Variants in LOXL1 observed in about 807,000 individuals in gnomAD.
LOXL1 encodes lysyl oxidase homolog 1.
A neutral mutation model predicts 62.2 loss-of-function variants in LOXL1; 31 were observed. The ratio of observed to expected loss-of-function variants is 0.50; its 90% confidence interval spans 0.37 to 0.67. The LOEUF is 0.67. Ranked by LOEUF, LOXL1 falls within the 30% of genes least tolerant of loss-of-function variation. The pLI is 0.00. For synonymous variants in LOXL1, 403 were observed against 384.4 expected (o/e 1.05, Z -0.56); for missense variants, 775 against 843.4 (o/e 0.92, Z 1.00).
intron 6 of LOXL1, among the ~76,000 whole-genome samples, chr15:73,951,221 A>C (rs925519356): frequency 3.2e-4 from 49 of 152,238 alleles, no homozygotes; most frequent in African/African-American, 1.0e-3. Flanking sequence ...CGCCTGGAGC[A>C]GCCAGGAGGG....
chr15:73,946,694 C>T (rs1004298707), intron 3 of LOXL1, 140 bp downstream of exon 3: 2 of 991,886 alleles, frequency 2.0e-6, no homozygotes, highest in African/African-American at 3.3e-5. Context: ...TGTTACCTGC[C>T]AACTCTTTTC....
At position 73,927,832 on chromosome 15, in the gene LOXL1, A is replaced by G; in HGVS notation, c.1049A>G (p.Gln350Arg). The change falls in exon 1 of 7, where the codon CAG becomes CGG. Residue 350 changes from glutamine (Q) to arginine (R), a missense_variant. Transcript: ENST00000261921. ...PPPGGERNGAQQGRLSVGSVY... is the reference protein window; with the variant it reads ...PPPGGERNGARQGRLSVGSVY... ...CCGGGTGGGGAGCGGAACGGCGCGC[A>G]GCAGGGCCGCCTCAGCGTGGGCAGC... 2 of 1,348,502 alleles carry G rather than the reference A, an allele frequency of 1.5e-6. No homozygotes were observed. Among genetic ancestry groups the G allele is most frequent in the South Asian group, 1.9e-5 (1 of 52,314 alleles). 83.5% of individuals were successfully genotyped at this position (1,348,502 alleles called of 1,614,324 possible).
In LOXL1 at chr15:73,935,556, G is replaced by A. The variant is rs191383103; in HGVS notation, c.1103-7298G>A. The stretch of plus-strand genomic sequence containing the variant: ...CATCAAGGGAAGCTTCTAGAGGTGG[G>A]GTAGGGGGCACCAGGCAGGGCCTGC... On this transcript the variant is annotated intron_variant, in intron 1 of 6. Coordinates refer to ENST00000261921, the MANE Select transcript of LOXL1 (RefSeq NM_005576.4). Among the ~76,000 whole-genome samples the A allele has an allele frequency of 2.4e-3, 366 of 152,312 alleles. 2 individuals are homozygous for A. The highest frequency in any genetic ancestry group is 8.5e-3 in the African/African-American group (353 of 41,558).
In LOXL1 at chr15:73,937,667, TG is replaced by T. The variant is rs1344459245; in HGVS notation, c.1103-5184del. ...GAGGCCATGAAGCCTGAAGTGGGGC[TG>T]GGTCAACCCAAGGCCACACAGAAGG... On this transcript the variant is annotated intron_variant, in intron 1 of 6. Coordinates refer to ENST00000261921, the MANE Select transcript of LOXL1 (RefSeq NM_005576.4). Among the ~76,000 whole-genome samples the T allele has an allele frequency of 2.6e-5, 4 of 152,358 alleles. No homozygotes were observed. The East Asian group carries it at 7.7e-4, about 29-fold the overall frequency.
Position 73,927,000 on chromosome 15 carries a change from T to G in LOXL1, c.217T>G (p.Ser73Ala), listed in dbSNP as rs1406539467. The change falls in exon 1 of 7, where the codon TCC becomes GCC. Residue 73 changes from serine (S) to alanine (A), a missense_variant. Transcript: ENST00000261921. ...PAGPQRSESS[S>A]RVLLAGAPQA... Reference sequence around the variant, plus strand: ...CGGACCTCAGCGCTCCGAGAGTAGCTCCCGGGTGCTGCTGGCCGGCGCGCC... The same window carrying G: ...CGGACCTCAGCGCTCCGAGAGTAGCGCCCGGGTGCTGCTGGCCGGCGCGCC... The G allele has an allele frequency of 1.4e-6, 2 of 1,463,836 alleles. No individual in the cohort carries two copies. The highest frequency in any genetic ancestry group is 1.8e-6 in the Non-Finnish European group (2 of 1,098,744). 90.7% of individuals were successfully genotyped at this position (1,463,836 alleles called of 1,614,324 possible). A position where few individuals can be genotyped will look rare whatever the true frequency, so the allele number is the denominator to read the frequency against.
intron 3 of LOXL1, 36 bp from the exon 4 acceptor site, chr15:73,947,031 G>A (rs752303461): frequency 6.4e-7 from 1 of 1,550,470 alleles, no homozygotes; most frequent in Non-Finnish European, 8.8e-7. Context: ...GGGAAGACTA[G>A]GCCCTCTTCT....
Position 73,947,220 on chromosome 15 carries a change from C to T in LOXL1, c.1503C>T (p.Thr501=). The T allele has an allele frequency of 6.3e-7, 1 of 1,597,416 alleles. No homozygotes were observed. The highest frequency in any genetic ancestry group is 8.6e-7 in the Non-Finnish European group (1 of 1,166,980). Residue 501 remains threonine, a synonymous_variant, in exon 4 of 7, where the codon ACC becomes ACT. Transcript: ENST00000261921. ...NLKRYACTSH[T]QGLSPGCYDT... is the part of the protein sequence containing the mutation. Reference sequence around the variant, plus strand: ...AGCGCTATGCATGCACCTCTCATACCCAGGTTGGGCTGGAGAGATGGGGTT... The same window carrying T: ...AGCGCTATGCATGCACCTCTCATACTCAGGTTGGGCTGGAGAGATGGGGTT...
Position 73,927,100 on chromosome 15 carries a change from T to G in LOXL1, c.317T>G (p.Val106Gly). Residue 106 changes from valine (V) to glycine (G), a missense_variant, in exon 1 of 7, where the codon GTG (valine) becomes GGG (glycine). Coordinates refer to ENST00000261921, the MANE Select transcript of LOXL1 (RefSeq NM_005576.4). The stretch of plus-strand genomic sequence containing the variant: ...CCGTCCCTGCCCCTGCCGGGGCGCG[T>G]GGGCTCGGACACCGTGCGCGGCCAG... Reference protein sequence around the residue: ...QAPSLPLPGRVGSDTVRGQAR... With the variant: ...QAPSLPLPGRGGSDTVRGQAR... 7.7e-7 allele frequency: 1 copy of G among 1,300,396 alleles called. No homozygotes were observed. The highest frequency in any genetic ancestry group is 9.8e-7 in the Non-Finnish European group (1 of 1,019,866). 80.6% of individuals were successfully genotyped at this position (1,300,396 alleles called of 1,614,324 possible).
In LOXL1 at chr15:73,936,416, C is replaced by T. The variant is rs59284249; in HGVS notation, c.1103-6438C>T. Among the ~76,000 whole-genome samples, 110 of 152,322 alleles carry T rather than the reference C, an allele frequency of 7.2e-4. No individual in the cohort carries two copies. The East Asian group carries it at 0.018, about 25-fold the overall frequency. On this transcript the variant is annotated intron_variant, in intron 1 of 6. Transcript: ENST00000261921. ...GAGGCCTCTCTGGCTCATCTTTATT[C>T]AAGGCCCTGCTCTGCAGAGCTTTCT...
chr15:73,937,178 C>T (rs1453354012), intron 1 of LOXL1, among the ~76,000 whole-genome samples: 1 of 152,194 alleles, frequency 6.6e-6, no homozygotes. Context: ...AACTCCAGAC[C>T]CAGCATTGAG....
rs2068626209 is a variant in LOXL1, at chr15:73,930,232, C to A, written c.1102+2347C>A. ...CTTTGTGAGCCCAGAGGAGGGCCCT[C>A]CCTGTCAGGGGCTAGGGCTCAGGGA... On this transcript the variant is annotated intron_variant, in intron 1 of 6. Coordinates refer to ENST00000261921, the MANE Select transcript of LOXL1 (RefSeq NM_005576.4). This position sits in a 1 kb window ranked among gnomAD's most constrained non-coding sequence, Gnocchi z 4.7. Among the ~76,000 whole-genome samples, 1 of 152,164 alleles carries A rather than the reference C, an allele frequency of 6.6e-6. No individual in the cohort carries two copies. Among genetic ancestry groups the A allele is most frequent in the East Asian group, 1.9e-4 (1 of 5,178 alleles).
intron 1 of LOXL1, among the ~76,000 whole-genome samples, chr15:73,937,357 G>T (rs1002774580): frequency 3.2e-4 from 48 of 152,342 alleles, no homozygotes; most frequent in Admixed American, 1.6e-3. Flanking sequence ...TGTCCTGGAG[G>T]TTTGAAGGGC....
chr15:73,942,793 C>T, intron 1 of LOXL1, 61 bp from the exon 2 acceptor site: 1 of 1,058,944 alleles, frequency 9.4e-7, no homozygotes, highest in South Asian at 1.3e-5. Context: ...AGTGGCCAAC[C>T]TGATGCTCTC....
At chr15:73,947,738 T>C in intron 4 of LOXL1, 69 bp from the exon 5 acceptor site, 1 of 1,120,472 alleles carries the variant, frequency 8.9e-7, no homozygotes, top group Admixed American at 1.9e-5. Context: ...CAGAAACTCC[T>C]GAAGGTGGGC....
chr15:73,936,262 G>T (rs1269182494), intron 1 of LOXL1, among the ~76,000 whole-genome samples: 1 of 152,108 alleles, frequency 6.6e-6, no homozygotes, highest in African/African-American at 2.4e-5. Flanking sequence ...GGGCAAAGTG[G>T]AATCTGCAGC....
rs1269329052 is a variant in LOXL1 at position 73,926,486 on chromosome 15, G to C, written c.-298G>C. The stretch of plus-strand genomic sequence containing the variant: ...CATTCAGAGTGGGAAAGCGCCAGCC[G>C]AGCGGCCAGCCAGTGCGGGGCTGGC... On this transcript the variant is annotated 5_prime_UTR_variant, in exon 1 of 7. Coordinates refer to ENST00000261921, the MANE Select transcript of LOXL1 (RefSeq NM_005576.4). 9.1e-6 allele frequency: 3 copies of C among 328,144 alleles called. No individual in the cohort carries two copies. Among genetic ancestry groups the C allele is most frequent in the Non-Finnish European group, 1.1e-5 (2 of 181,228 alleles). The allele number at this position is 328,144 out of a possible 1,614,324, so 20.3% of individuals were successfully genotyped here. A position where few individuals can be genotyped will look rare whatever the true frequency, so the allele number is the denominator to read the frequency against.
At chr15:73,934,664 C>A (rs2068658501) in intron 1 of LOXL1, among the ~76,000 whole-genome samples, 1 of 152,146 alleles carries the variant, frequency 6.6e-6, no homozygotes, top group South Asian at 2.1e-4. Context: ...TGCTGGGCAC[C>A]GTTCTAGAGC....
intron 1 of LOXL1, among the ~76,000 whole-genome samples, chr15:73,932,803 C>T (rs2068644367): frequency 6.6e-6 from 1 of 152,218 alleles, no homozygotes; most frequent in African/African-American, 2.4e-5. Context: ...CAGCATCCCT[C>T]CTTCCTTCCC....
chr15:73,951,794 G>C, intron 6 of LOXL1, 37 bp from the exon 7 acceptor site: 1 of 1,523,396 alleles, frequency 6.6e-7, no homozygotes, highest in South Asian at 1.3e-5. Flanking sequence ...GGCCTACTTT[G>C]CAGCCCCTCA....
Sources: gnomAD v4.1 joint callset for allele counts (sites outside exome capture counted in the v4.1 genomes callset) on GRCh38, gnomAD v4.1.1 for gene constraint, Gnocchi (gnomAD v3.1) non-coding constraint, MANE v1.5 for transcripts, NCBI Gene and HGNC (gene_info 2026-07-23, HGNC 2026-07-21) for gene names.